PTPRU: variants seen among roughly 807,000 people sequenced by gnomAD.
PTPRU encodes receptor-type tyrosine-protein phosphatase U.
Under a neutral mutation model 166.3 loss-of-function variants are expected in PTPRU, and 69 were observed. That is an observed-to-expected ratio of 0.41 (90% CI 0.34 to 0.51). PTPRU has a LOEUF of 0.51. PTPRU is among the 20% of genes least tolerant of loss of function. The pLI is 0.09. For missense variants in PTPRU, 1,657 were observed against 2,013.7 expected (o/e 0.82, Z 3.39); for synonymous variants, 793 against 814.0 (o/e 0.97, Z 0.44).
chr1:29,289,883 C>T (rs898260989), intron 14 of PTPRU, among the ~76,000 whole-genome samples: 1 of 152,174 alleles, frequency 6.6e-6, no homozygotes, highest in African/African-American at 2.4e-5. Flanking sequence ...TCTGTCCTTC[C>T]CCTCTGCATC....
intron 12 of PTPRU, 81 bp from the exon 13 acceptor site, chr1:29,283,859 G>C: frequency 1.3e-6 from 2 of 1,542,986 alleles, no homozygotes; most frequent in South Asian, 2.2e-5. Flanking sequence ...ACAGGCCCAA[G>C]AAACGCTGTC....
intron 7 of PTPRU, among the ~76,000 whole-genome samples, chr1:29,267,094 G>A (rs1685336883): frequency 1.3e-5 from 2 of 152,182 alleles, no homozygotes; most frequent in African/African-American, 2.4e-5. Flanking sequence ...GCTGAATGTG[G>A]TGGCATGTGC....
chr1:29,309,634 T>C (rs7556162), intron 18 of PTPRU, among the ~76,000 whole-genome samples: 86,531 of 152,186 alleles, frequency 0.57, 27,111 homozygotes, highest in African/African-American at 0.84. Context: ...TTTATTTGCT[T>C]CTCACAACAG....
chr1:29,244,493 G>A (rs1311690466), intron 1 of PTPRU, among the ~76,000 whole-genome samples: 1 of 152,152 alleles, frequency 6.6e-6, no homozygotes, highest in Non-Finnish European at 1.5e-5. Context: ...GGACAGGTGA[G>A]TCTCAGCTGA....
chr1:29,250,899 C>T (rs898787012), intron 1 of PTPRU, among the ~76,000 whole-genome samples: 2 of 152,160 alleles, frequency 1.3e-5, no homozygotes, highest in Non-Finnish European at 2.9e-5. Flanking sequence ...TGGGTCTGGC[C>T]CAGAGACACA....
At chr1:29,287,649 C>T (rs1462130095) in intron 14 of PTPRU, among the ~76,000 whole-genome samples, 2 of 148,858 alleles carry the variant, frequency 1.3e-5, no homozygotes, top group South Asian at 2.1e-4. Context: ...GGCTAGAGTG[C>T]GGTGGCGCGA....
intron 18 of PTPRU, among the ~76,000 whole-genome samples, chr1:29,310,207 C>A (rs1245904844): frequency 6.6e-6 from 1 of 152,118 alleles, no homozygotes; most frequent in Non-Finnish European, 1.5e-5. Flanking sequence ...ATGTCTGTGC[C>A]CATATACTTC....
rs1219231376 is a variant in PTPRU, at chr1:29,303,995, A to C, written c.2617A>C (p.Ile873Leu). The C allele has an allele frequency of 1.9e-6, 3 of 1,613,032 alleles. 1 individual carries two copies. In the South Asian group the frequency reaches 3.3e-5, roughly 18 times the overall value. ...GCGTGTCGCAGACCTTCTGCAGCAC[A>C]TCAACCAGATGAAGACGGCCGAGGG... Reference protein sequence around the residue: ...AVRVADLLQHINQMKTAEGYG... With the variant: ...AVRVADLLQHLNQMKTAEGYG... The change falls in exon 16 of 30, where the codon ATC becomes CTC. Residue 873 changes from isoleucine (I) to leucine (L), a missense_variant. Ile to Leu is a conservative substitution (Grantham distance 5). Around this residue, in one of 3 missense-constraint regions of PTPRU, gnomAD observed 1,190 missense variants for 1,477.4 expected, o/e 0.81. Coordinates refer to ENST00000373779, the MANE Select transcript of PTPRU (RefSeq NM_133178.4).
At chr1:29,294,477 T>G (rs1165120093) in intron 15 of PTPRU, among the ~76,000 whole-genome samples, 1 of 152,224 alleles carries the variant, frequency 6.6e-6, no homozygotes, top group Admixed American at 6.5e-5. Context: ...TAATAATCAT[T>G]TGTCACTTGT....
chr1:29,275,373 T>A, intron 7 of PTPRU, 75 bp from the exon 8 acceptor site: 6 of 1,425,818 alleles, frequency 4.2e-6, no homozygotes, highest in South Asian at 1.3e-5. Context: ...TGACTGATGC[T>A]TTCTCTCCCT....
At chr1:29,251,105 A>T (rs1684522975) in intron 1 of PTPRU, among the ~76,000 whole-genome samples, 1 of 152,062 alleles carries the variant, frequency 6.6e-6, no homozygotes, top group Non-Finnish European at 1.5e-5. Context: ...ATACAAAAAC[A>T]AGCTGGGTAT....
rs1297081817 is a variant in PTPRU at position 29,325,646 on chromosome 1, G to T, written c.4296G>T (p.Gly1432=). Residue 1432 remains glycine (G), a synonymous_variant, in exon 30 of 30, where the codon GGG becomes GGT. Transcript: ENST00000373779. ...ATGTGGCCCTGGAGTACTTGGAGGGGCTGGAGTCAAGATAGCGGGGCCCTG... is the reference window on the plus strand; with the variant it reads ...ATGTGGCCCTGGAGTACTTGGAGGGTCTGGAGTCAAGATAGCGGGGCCCTG... ...CYDVALEYLE[G]LESR The T allele has an allele frequency of 6.2e-7, 1 of 1,610,064 alleles. No homozygotes were observed.
In PTPRU at chr1:29,260,196, G is replaced by T; in HGVS notation, c.850+152G>T. The stretch of plus-strand genomic sequence containing the variant: ...ATCTGAAGATGGGCCTGTGGAAATG[G>T]CAGTGGCCCAGCCGGGATGAGATCT... On this transcript the variant is annotated intron_variant, in intron 6 of 29. Coordinates refer to ENST00000373779, the MANE Select transcript of PTPRU (RefSeq NM_133178.4). This position sits in a 1 kb window ranked among gnomAD's most constrained non-coding sequence, Gnocchi z 8.3. 1.1e-6 allele frequency: 1 copy of T among 915,652 alleles called. No homozygotes were observed. Among genetic ancestry groups the T allele is most frequent in the Non-Finnish European group, 1.5e-6 (1 of 668,896 alleles). 56.7% of individuals were successfully genotyped at this position (915,652 alleles called of 1,614,324 possible). A position where few individuals can be genotyped will look rare whatever the true frequency, so the allele number is the denominator to read the frequency against.
intron 29 of PTPRU, 45 bp downstream of exon 29, chr1:29,325,371 C>T: frequency 6.2e-7 from 1 of 1,601,454 alleles, no homozygotes; most frequent in Non-Finnish European, 8.6e-7. Context: ...CCTTCCTGGT[C>T]CATGCCAGGC....
In PTPRU at chr1:29,316,012, T is replaced by A; in HGVS notation, c.3374T>A (p.Ile1125Asn). 6.2e-7 allele frequency: 1 copy of A among 1,614,046 alleles called. No homozygotes were observed. Among genetic ancestry groups the A allele is most frequent in the Non-Finnish European group, 8.5e-7 (1 of 1,179,970 alleles). The change falls in exon 24 of 30, where the codon ATC (isoleucine) becomes AAC (asparagine). Residue 1125 changes from isoleucine to asparagine, a missense_variant. Transcript: ENST00000373779. ...CATCTCCTGTTCCAGGAGCAGTACA[T>A]CTTCATTCATGATGCAATCCTGGAG... Reference protein sequence around the residue: ...VNMIQTEEQYIFIHDAILEAC... With the variant: ...VNMIQTEEQYNFIHDAILEAC...
In PTPRU at chr1:29,325,451, C is replaced by T. The variant is rs901866699; in HGVS notation, c.4248+125C>T. Reference sequence around the variant, plus strand: ...GGGCCTTGGTTCTAGCCCTGTGGTCCTAAAACATTACCCCCATTTCTCCCT... The same window carrying T: ...GGGCCTTGGTTCTAGCCCTGTGGTCTTAAAACATTACCCCCATTTCTCCCT... On this transcript the variant is annotated intron_variant, in intron 29 of 29. Transcript: ENST00000373779. 3 of 1,511,320 alleles carry T rather than the reference C, an allele frequency of 2.0e-6. No individual in the cohort carries two copies. The African/African-American group carries it at 4.1e-5, about 21-fold the overall frequency. The allele number at this position is 1,511,320 out of a possible 1,614,324, so 93.6% of individuals were successfully genotyped here.
At position 29,271,025 on chromosome 1, in the gene PTPRU, C is replaced by A. The variant is rs1685537153; in HGVS notation, c.1145-4423C>A. 6.6e-6 allele frequency among the ~76,000 whole-genome samples: 1 copy of A among 152,176 alleles called. No individual in the cohort carries two copies. Among genetic ancestry groups the A allele is most frequent in the South Asian group, 2.1e-4 (1 of 4,830 alleles). On this transcript the variant is annotated intron_variant, in intron 7 of 29. Transcript: ENST00000373779. This position sits in a 1 kb window ranked among gnomAD's most constrained non-coding sequence, Gnocchi z 4.4. ...GAGATAGGATGTGAACTTGGGTGTA[C>A]CAGATCCCAGTCCAAAGCTCCTCCC...
chr1:29,244,944 A>G (rs1219478657), intron 1 of PTPRU, among the ~76,000 whole-genome samples: 1 of 151,474 alleles, frequency 6.6e-6, no homozygotes, highest in East Asian at 1.9e-4. Flanking sequence ...CCTGGGAGGG[A>G]GTAATAGTGG....
Position 29,317,743 on chromosome 1 carries a change from T to C in PTPRU, c.3514-5T>C. On this transcript the variant is annotated splice_region_variant and splice_polypyrimidine_tract_variant and intron_variant, in intron 24 of 29. Transcript: ENST00000373779. The surrounding 1 kb of genome is among the most constrained non-coding windows in gnomAD (Gnocchi z 5.6). ...ACTCTCTGTCCCCACCCCCGCTCCC[T>C]GTAGACGCTGAACTCGGTCACCCCG... 1.9e-6 allele frequency: 3 copies of C among 1,605,326 alleles called. No individual in the cohort carries two copies. The highest frequency in any genetic ancestry group is 2.2e-5 in the South Asian group (2 of 90,750).
Sources: gnomAD v4.1 joint callset for allele counts (sites outside exome capture counted in the v4.1 genomes callset) on GRCh38, gnomAD v4.1.1 for gene constraint, gnomAD v4.1.1 regional missense constraint, Gnocchi (gnomAD v3.1) non-coding constraint, MANE v1.5 for transcripts, NCBI Gene and HGNC (gene_info 2026-07-23, HGNC 2026-07-21) for gene names.